The following AFF2 variants were observed in gnomAD, a reference collection of about 807,000 sequenced individuals.
The protein encoded by AFF2 is ALF transcription elongation factor 2, also known as AF4/FMR2 family member 2.
In AFF2, 14 loss-of-function variants were observed where a neutral mutation model predicts 76.9. The ratio of observed to expected loss-of-function variants is 0.18; its 90% confidence interval spans 0.12 to 0.28. The LOEUF is 0.28. Ranked by LOEUF, AFF2 falls within the 10% of genes least tolerant of loss-of-function variation. AFF2 has a pLI of 1.00. For missense variants in AFF2, 868 were observed against 1,001.1 expected, an observed-to-expected ratio of 0.87 and a Z score of 1.79; for synonymous variants, 398 against 366.7, an observed-to-expected ratio of 1.09 and a Z score of -0.98.
At chrX:148,875,365 G>GA (rs1557277749) in intron 7 of AFF2, among the ~76,000 whole-genome samples, 1 of 111,977 alleles carries the variant, frequency 8.9e-6, no homozygotes, top group African/African-American at 3.2e-5. Context: ...AATGGAAACT[G>GA]AGGCTTTTTA....
chrX:148,633,437 G>A (rs2053999279), intron 1 of AFF2, among the ~76,000 whole-genome samples: 1 of 112,154 alleles, frequency 8.9e-6, no homozygotes, highest in South Asian at 3.7e-4. Flanking sequence ...TTGTGGATGT[G>A]CATATGCATG....
intron 2 of AFF2, among the ~76,000 whole-genome samples, chrX:148,653,491 TTG>T (rs1296272329): frequency 9.0e-6 from 1 of 111,306 alleles, no homozygotes; most frequent in African/African-American, 3.3e-5. Context: ...AGCGAAGACT[TTG>T]TATTCAAACT....
At chrX:148,810,924 C>A (rs1557271752) in intron 4 of AFF2, among the ~76,000 whole-genome samples, 1 of 111,416 alleles carries the variant, frequency 9.0e-6, no homozygotes, top group African/African-American at 3.3e-5. Flanking sequence ...TCTCAGCAGC[C>A]CAGTGTTTGA....
In AFF2 at chrX:148,953,675, C is replaced by T; in HGVS notation, c.1493C>T (p.Ser498Leu). ...SESESSSESD[S>L]DTESSTTDSE... is the part of the protein sequence containing the mutation. ...TCGGAGAGCAGCTCTGAGTCGGATT[C>T]AGACACTGAAAGTAGCACCACTGAC... The change falls in exon 10 of 21, where the codon TCA (serine) becomes TTA (leucine). Residue 498 changes from serine to leucine, a missense_variant. By Grantham distance (145) the Ser-to-Leu change is moderately radical. This residue lies in a region of AFF2 where 532 missense variants were observed against 564.2 expected (regional missense o/e 0.94). Transcript: ENST00000370460. 1 of 1,211,424 alleles carries T rather than the reference C, an allele frequency of 8.3e-7. No homozygotes were observed. The highest frequency in any genetic ancestry group is 1.1e-6 in the Non-Finnish European group (1 of 895,330).
intron 5 of AFF2, among the ~76,000 whole-genome samples, chrX:148,842,485 G>C (rs1395061501): frequency 8.9e-6 from 1 of 112,186 alleles, no homozygotes; most frequent in African/African-American, 3.2e-5. Flanking sequence ...TAGAAAGTTG[G>C]ATCTGTTTCT....
At chrX:148,888,668 C>T (rs2071188230) in intron 8 of AFF2, among the ~76,000 whole-genome samples, 1 of 111,636 alleles carries the variant, frequency 9.0e-6, no homozygotes, top group Admixed American at 9.5e-5. Flanking sequence ...AGTCATACCT[C>T]CAGCACCATC....
At chrX:148,852,915 A>G (rs1289935870) in intron 7 of AFF2, among the ~76,000 whole-genome samples, 1 of 111,282 alleles carries the variant, frequency 9.0e-6, no homozygotes, top group Non-Finnish European at 1.9e-5. Context: ...TTGTTTAATC[A>G]CCTTCTAGGC....
At chrX:148,697,343 T>C (rs2054733091) in intron 3 of AFF2, among the ~76,000 whole-genome samples, 1 of 112,668 alleles carries the variant, frequency 8.9e-6, no homozygotes, top group Admixed American at 9.4e-5. Context: ...GATGGCCAAC[T>C]GAGGGTTATA....
intron 1 of AFF2, among the ~76,000 whole-genome samples, chrX:148,524,249 G>C (rs1557234943): frequency 1.8e-5 from 2 of 109,340 alleles, no homozygotes; most frequent in African/African-American, 6.7e-5. Flanking sequence ...ATAGAGAAAA[G>C]GAGGTAATTT....
chrX:148,735,088 A>G (rs1297592986), intron 3 of AFF2, among the ~76,000 whole-genome samples: 6 of 112,326 alleles, frequency 5.3e-5, no homozygotes, highest in African/African-American at 1.9e-4. Flanking sequence ...TTTGACAGAT[A>G]TGCACAAGTG....
In AFF2 at chrX:148,997,180, C is replaced by G. The variant is rs1338064741; in HGVS notation, c.*5848C>G. ...TATCAATTGCATGACTATTCAGAAACAATAATCCAAACCAAAATAATTCTT... is the reference window on the plus strand; with the variant it reads ...TATCAATTGCATGACTATTCAGAAAGAATAATCCAAACCAAAATAATTCTT... On this transcript the variant is annotated 3_prime_UTR_variant, in exon 21 of 21. Coordinates refer to ENST00000370460, the MANE Select transcript of AFF2 (RefSeq NM_002025.4). The G allele has an allele frequency of 9.0e-6, 1 of 111,694 alleles. No individual in the cohort carries two copies. Among genetic ancestry groups the G allele is most frequent in the Non-Finnish European group, 1.9e-5 (1 of 53,119 alleles). The allele number at this position is 111,694 out of a possible 1,213,427, so 9.2% of individuals were successfully genotyped here.
intron 3 of AFF2, among the ~76,000 whole-genome samples, chrX:148,682,000 A>T (rs1251650381): frequency 8.9e-6 from 1 of 112,087 alleles, no homozygotes; most frequent in African/African-American, 3.2e-5. Flanking sequence ...TGACAAATAC[A>T]TACTTTAGCT....
rs1211401084 is a variant in AFF2, at chrX:148,994,469, T to C, written c.*3137T>C. On this transcript the variant is annotated 3_prime_UTR_variant, in exon 21 of 21. Transcript: ENST00000370460. The stretch of plus-strand genomic sequence containing the variant: ...AATAATCTCATTGGGAAAATACTAG[T>C]AGTTTTATATTTGGATGACATAATT... 8.9e-6 allele frequency: 1 copy of C among 112,043 alleles called. No individual in the cohort carries two copies. Among genetic ancestry groups the C allele is most frequent in the Non-Finnish European group, 1.9e-5 (1 of 53,228 alleles). 9.2% of individuals were successfully genotyped at this position (112,043 alleles called of 1,213,427 possible).
At chrX:148,695,079 G>A (rs2054702943) in intron 3 of AFF2, among the ~76,000 whole-genome samples, 1 of 110,893 alleles carries the variant, frequency 9.0e-6, no homozygotes, top group Admixed American at 9.6e-5. Flanking sequence ...GCCTCCCAAA[G>A]TCCTGGGATT....
At chrX:148,709,319 ATAGGAT>A (rs2054929602) in intron 3 of AFF2, among the ~76,000 whole-genome samples, 1 of 111,761 alleles carries the variant, frequency 8.9e-6, no homozygotes, top group Non-Finnish European at 1.9e-5. Context: ...ATGGGAAAAG[ATAGGAT>A]TAGAATGACT....
At chrX:148,581,186 C>CACATATATA (rs1569551609) in intron 1 of AFF2, among the ~76,000 whole-genome samples, 2 of 87,986 alleles carry the variant, frequency 2.3e-5, no homozygotes, top group African/African-American at 6.1e-5. Flanking sequence ...CGTATACACA[C>CACATATATA]ATATACATAT....
chrX:148,679,744 A>T (rs1457317617), intron 3 of AFF2, among the ~76,000 whole-genome samples: 1 of 111,454 alleles, frequency 9.0e-6, no homozygotes, highest in East Asian at 2.8e-4. Context: ...AGTGATGCCA[A>T]ATGGAAGCTC....
chrX:148,854,246 T>C, intron 7 of AFF2, among the ~76,000 whole-genome samples: 1 of 112,051 alleles, frequency 8.9e-6, no homozygotes, highest in East Asian at 2.8e-4. Flanking sequence ...TGAAATAATC[T>C]GCCTTTCCCA....
At chrX:148,513,641 A>G (rs781976939) in intron 1 of AFF2, among the ~76,000 whole-genome samples, 276 of 111,939 alleles carry the variant, frequency 2.5e-3, no homozygotes, top group Non-Finnish European at 2.8e-3. Flanking sequence ...ACATCATGTA[A>G]CTCTTAGAAA....
Sources: gnomAD v4.1 joint callset for allele counts (sites outside exome capture counted in the v4.1 genomes callset) on GRCh38, gnomAD v4.1.1 for gene constraint, gnomAD v4.1.1 regional missense constraint, MANE v1.5 for transcripts, NCBI Gene and HGNC (gene_info 2026-07-23, HGNC 2026-07-21) for gene names.